CHRM3: variants seen among roughly 807,000 people sequenced by gnomAD.
The protein encoded by CHRM3 is cholinergic receptor muscarinic 3.
Under a neutral mutation model 41.8 loss-of-function variants are expected in CHRM3, and 11 were observed. The observed-to-expected ratio is 0.26, with a 90% confidence interval of 0.17 to 0.44. The LOEUF (loss-of-function observed/expected upper bound fraction) is 0.44. CHRM3 is among the 20% of genes least tolerant of loss of function. The probability of loss-of-function intolerance (pLI) is 1.00; values close to 1 mark genes in which losing one functional copy is unlikely to be tolerated. For synonymous variants in CHRM3, 297 were observed against 301.4 expected, an observed-to-expected ratio of 0.99 and a Z score of 0.15; for missense variants, 571 against 745.4, an observed-to-expected ratio of 0.77 and a Z score of 2.72.
At chr1:239,810,124 G>A (rs1359294607) in intron 5 of CHRM3, among the ~76,000 whole-genome samples, 1 of 152,144 alleles carries the variant, frequency 6.6e-6, no homozygotes, top group African/African-American at 2.4e-5. Context: ...GGGGACAGAA[G>A]CTGATCTGTG....
chr1:239,525,036 G>A (rs1055146416), intron 2 of CHRM3, among the ~76,000 whole-genome samples: 16 of 151,952 alleles, frequency 1.1e-4, no homozygotes, highest in South Asian at 6.2e-4. Flanking sequence ...CGTGTGTTTC[G>A]CCTCATTTTT....
At chr1:239,735,424 T>A (rs755797754) in intron 5 of CHRM3, among the ~76,000 whole-genome samples, 12 of 135,436 alleles carry the variant, frequency 8.9e-5, no homozygotes, top group Non-Finnish European at 1.9e-4. Context: ...TGAGAGGCAA[T>A]TTTTTTTCCT....
intron 1 of CHRM3, among the ~76,000 whole-genome samples, chr1:239,446,103 A>AT (rs1421330846): frequency 2.4e-4 from 36 of 152,080 alleles, no homozygotes; most frequent in Admixed American, 2.0e-3. Flanking sequence ...CACCCGGCTA[A>AT]TTTTTGTATT....
At chr1:239,505,800 A>G (rs1048080578) in intron 2 of CHRM3, among the ~76,000 whole-genome samples, 1 of 152,208 alleles carries the variant, frequency 6.6e-6, no homozygotes, top group Admixed American at 6.5e-5. Flanking sequence ...GGAACTTCCT[A>G]GAGACTTGTT....
chr1:239,453,145 G>A (rs1664682787), intron 1 of CHRM3, among the ~76,000 whole-genome samples: 1 of 152,200 alleles, frequency 6.6e-6, no homozygotes, highest in African/African-American at 2.4e-5. Context: ...CGAGAGACTA[G>A]GAGAGACTAG....
chr1:239,568,390 G>A lies in CHRM3; in HGVS notation c.-313+22641G>A, dbSNP rs115295528. On this transcript the variant is annotated intron_variant, in intron 3 of 6. Coordinates refer to ENST00000676153, the MANE Select transcript of CHRM3 (RefSeq NM_001375978.1). Reference sequence around the variant, plus strand: ...TGTTTTATAAGGGGAGACCCTTTTCGCTTGCCTCTCATTCTTTTGTCTGCC... The same window carrying A: ...TGTTTTATAAGGGGAGACCCTTTTCACTTGCCTCTCATTCTTTTGTCTGCC... Among the ~76,000 whole-genome samples, 920 of 152,156 alleles carry A rather than the reference G, an allele frequency of 6.0e-3. 15 individuals are homozygous for A. Among genetic ancestry groups the A allele is most frequent in the African/African-American group, 0.021 (877 of 41,528 alleles).
intron 1 of CHRM3, among the ~76,000 whole-genome samples, chr1:239,411,664 G>C (rs1010128978): frequency 7.2e-6 from 1 of 138,136 alleles, no homozygotes; most frequent in African/African-American, 2.7e-5. Context: ...GGCAGAGGTT[G>C]CAGTGAGCCA....
At chr1:239,612,129 C>T (rs947785221) in intron 3 of CHRM3, among the ~76,000 whole-genome samples, 9 of 152,168 alleles carry the variant, frequency 5.9e-5, no homozygotes, top group South Asian at 4.1e-4. Context: ...GGAAGCACCA[C>T]GCCTTTTTTT....
intron 3 of CHRM3, among the ~76,000 whole-genome samples, chr1:239,564,603 G>A (rs970973005): frequency 1.3e-4 from 20 of 151,864 alleles, no homozygotes; most frequent in African/African-American, 3.6e-4. Context: ...TTCCTGTCTC[G>A]TGGTTATTAA....
intron 5 of CHRM3, chr1:239,730,408 G>T (rs1663856031): frequency 6.6e-6 from 1 of 151,976 alleles, no homozygotes; most frequent in Non-Finnish European, 1.5e-5. Flanking sequence ...TACCTTTCAT[G>T]TGATGTCGTG....
intron 4 of CHRM3, among the ~76,000 whole-genome samples, chr1:239,672,019 GA>G (rs1397130145): frequency 6.6e-6 from 1 of 152,132 alleles, no homozygotes; most frequent in Non-Finnish European, 1.5e-5. Flanking sequence ...TTTCCACCTG[GA>G]ATTTTATCCC....
Position 239,678,181 on chromosome 1 carries a change from T to C in CHRM3, c.-249-5T>C, listed in dbSNP as rs1034537327. The stretch of plus-strand genomic sequence containing the variant: ...AAACTTACCCCTTCCCTGTTTCATT[T>C]TTAGGTTTTGCTGTGGCGTGGCACC... On this transcript the variant is annotated splice_region_variant and splice_polypyrimidine_tract_variant and intron_variant, in intron 4 of 6. Transcript: ENST00000676153. 6.6e-6 allele frequency: 1 copy of C among 152,234 alleles called. No individual in the cohort carries two copies. The highest frequency in any genetic ancestry group is 1.5e-5 in the Non-Finnish European group (1 of 68,056). The allele number at this position is 152,234 out of a possible 1,614,324, so 9.4% of individuals were successfully genotyped here.
chr1:239,684,739 A>G (rs1328068819), intron 5 of CHRM3, among the ~76,000 whole-genome samples: 1 of 123,940 alleles, frequency 8.1e-6, no homozygotes, highest in Non-Finnish European at 1.6e-5. Context: ...AAGGAAAGAG[A>G]GAAAGAAAGA....
rs190699942 is a variant in CHRM3, at chr1:239,699,916, A to T, written c.-147+21628A>T. Among the ~76,000 whole-genome samples the T allele has an allele frequency of 2.0e-4, 31 of 152,284 alleles. No homozygotes were observed. The East Asian group carries it at 5.8e-3, about 28-fold the overall frequency. On this transcript the variant is annotated intron_variant, in intron 5 of 6. Transcript: ENST00000676153. ...CCGAACTATATTTGATAACACCCTT[A>T]AGAAAATAGGGAAGAAAATTAGGTT...
At chr1:239,594,899 GA>G (rs1301408641) in intron 3 of CHRM3, among the ~76,000 whole-genome samples, 1 of 152,160 alleles carries the variant, frequency 6.6e-6, no homozygotes, top group Non-Finnish European at 1.5e-5. Context: ...AGACCAGCCT[GA>G]CCAACATGGA....
chr1:239,587,613 G>T (rs775330049), intron 3 of CHRM3, among the ~76,000 whole-genome samples: 11 of 152,078 alleles, frequency 7.2e-5, no homozygotes, highest in Non-Finnish European at 1.2e-4. Flanking sequence ...TCAAATTACC[G>T]GTAGACACTT....
intron 6 of CHRM3, among the ~76,000 whole-genome samples, chr1:239,834,605 T>A (rs142137542): frequency 1.3e-5 from 2 of 152,170 alleles, no homozygotes. Context: ...TCCTTCTACT[T>A]TAGGTGAATC....
intron 6 of CHRM3, among the ~76,000 whole-genome samples, chr1:239,849,046 T>C (rs1674496979): frequency 6.6e-6 from 1 of 152,238 alleles, no homozygotes; most frequent in Non-Finnish European, 1.5e-5. Flanking sequence ...TAACAATTTA[T>C]GGAACTTTCA....
rs776726580 is a variant in CHRM3 at position 239,765,770 on chromosome 1, T to C, written c.-146-61482T>C. ...GCCAAACTGGGGGGAAAAATCAAAT[T>C]GGCAATGAACTAAGTTTAATAAAAT... On this transcript the variant is annotated intron_variant, in intron 5 of 6. Coordinates refer to ENST00000676153, the MANE Select transcript of CHRM3 (RefSeq NM_001375978.1). Among the ~76,000 whole-genome samples, 23 of 152,046 alleles carry C rather than the reference T, an allele frequency of 1.5e-4. No homozygotes were observed. In the South Asian group the frequency reaches 3.3e-3, roughly 22 times the overall value.
Sources: gnomAD v4.1 joint callset for allele counts (sites outside exome capture counted in the v4.1 genomes callset) on GRCh38, gnomAD v4.1.1 for gene constraint, MANE v1.5 for transcripts, NCBI Gene and HGNC (gene_info 2026-07-23, HGNC 2026-07-21) for gene names.